Variants in EFNA5 observed in about 807,000 individuals in gnomAD.
EFNA5 encodes ephrin A5, also known as ephrin-A5.
A neutral mutation model predicts 22.9 loss-of-function variants in EFNA5; 5 were observed. The ratio of observed to expected loss-of-function variants is 0.22; its 90% CI spans 0.11 to 0.46. The LOEUF (loss-of-function observed/expected upper bound fraction) is 0.46, where lower values mean the gene tolerates loss of function less well. EFNA5 is among the 20% of genes least tolerant of loss of function. The pLI is 0.99. For missense variants in EFNA5, 237 were observed against 293.3 expected (o/e 0.81, Z 1.40); for synonymous variants, 113 against 112.2 (o/e 1.01, Z -0.04).
chr5:107,521,087 T>C lies in EFNA5; in HGVS notation c.126-93578A>G, dbSNP rs183145118. On this transcript the variant is annotated intron_variant, in intron 1 of 4. Transcript: ENST00000333274. ...GCTCCTTTGACTTATGATTGGCTTA[T>C]TTCCTGATAAACGAACTCATTGTGA... Among the ~76,000 whole-genome samples, 3 of 152,276 alleles carry C rather than the reference T, an allele frequency of 2.0e-5. No individual in the cohort carries two copies. In the East Asian group the frequency reaches 5.8e-4, roughly 29 times the overall value.
chr5:107,567,510 G>A (rs1419308165), intron 1 of EFNA5, among the ~76,000 whole-genome samples: 13 of 152,190 alleles, frequency 8.5e-5, no homozygotes, highest in Admixed American at 7.9e-4. Context: ...CTGGAGAGGT[G>A]AGAGAATACC....
intron 1 of EFNA5, among the ~76,000 whole-genome samples, chr5:107,564,459 T>A (rs1748618927): frequency 6.6e-5 from 10 of 152,218 alleles, no homozygotes; most frequent in Admixed American, 6.5e-4. Context: ...TAGCGGATGA[T>A]ACTCTAATTG....
chr5:107,664,012 T>C (rs1216236687), intron 1 of EFNA5, among the ~76,000 whole-genome samples: 1 of 152,158 alleles, frequency 6.6e-6, no homozygotes, highest in Non-Finnish European at 1.5e-5. Context: ...TACACTACTG[T>C]CTCTCAGCAA....
At chr5:107,619,926 T>C (rs1750001220) in intron 1 of EFNA5, among the ~76,000 whole-genome samples, 1 of 152,206 alleles carries the variant, frequency 6.6e-6, no homozygotes, top group South Asian at 2.1e-4. Context: ...GCTACAAAAC[T>C]GTGACTCCTC....
At chr5:107,604,618 A>C (rs2112515111) in intron 1 of EFNA5, among the ~76,000 whole-genome samples, 1 of 152,322 alleles carries the variant, frequency 6.6e-6, no homozygotes, top group South Asian at 2.1e-4. Context: ...TTAGAACTTA[A>C]AAAAATAAAT....
At chr5:107,421,979 T>C (rs1748680966) in intron 2 of EFNA5, among the ~76,000 whole-genome samples, 1 of 151,990 alleles carries the variant, frequency 6.6e-6, no homozygotes, top group African/African-American at 2.4e-5. Context: ...TTAGTAGAGA[T>C]GGGGTTTCTC....
chr5:107,496,053 C>T (rs922124211), intron 1 of EFNA5, among the ~76,000 whole-genome samples: 4 of 150,176 alleles, frequency 2.7e-5, no homozygotes, highest in African/African-American at 7.4e-5. Context: ...CAGGCTGGCG[C>T]GGTGGCTCAT....
At chr5:107,630,550 T>C (rs1750229144) in intron 1 of EFNA5, among the ~76,000 whole-genome samples, 1 of 151,996 alleles carries the variant, frequency 6.6e-6, no homozygotes, top group Non-Finnish European at 1.5e-5. Flanking sequence ...TGAATGGAGC[T>C]TGTGGAACTG....
intron 1 of EFNA5, among the ~76,000 whole-genome samples, chr5:107,657,515 T>C (rs2112557651): frequency 6.6e-6 from 1 of 152,278 alleles, no homozygotes; most frequent in East Asian, 1.9e-4. Flanking sequence ...TTCTTAATAA[T>C]ATTCATAGTT....
chr5:107,471,484 G>GT (rs1324900468), intron 1 of EFNA5, among the ~76,000 whole-genome samples: 1 of 152,206 alleles, frequency 6.6e-6, no homozygotes, highest in Non-Finnish European at 1.5e-5. Context: ...CATGGTCCCA[G>GT]TAACATTTTA....
At chr5:107,540,616 A>G (rs1748023267) in intron 1 of EFNA5, among the ~76,000 whole-genome samples, 1 of 152,218 alleles carries the variant, frequency 6.6e-6, no homozygotes. Context: ...AAATTATTAA[A>G]GCTAATGAAA....
intron 1 of EFNA5, among the ~76,000 whole-genome samples, chr5:107,633,485 G>A (rs908700128): frequency 1.3e-5 from 2 of 152,194 alleles, no homozygotes; most frequent in Non-Finnish European, 1.5e-5. Flanking sequence ...CCGGGGCCCC[G>A]CGCCTCATGG....
chr5:107,495,526 AC>A (rs1420168941), intron 1 of EFNA5, among the ~76,000 whole-genome samples: 2 of 152,204 alleles, frequency 1.3e-5, no homozygotes, highest in African/African-American at 2.4e-5. Context: ...CAATGTCATG[AC>A]TTAGGCAGTA....
chr5:107,407,727 A>G (rs78353608), intron 2 of EFNA5, among the ~76,000 whole-genome samples: 2,217 of 152,324 alleles, frequency 0.015, 61 homozygotes, highest in African/African-American at 0.049. Context: ...TTTGCTGAAC[A>G]TATTCTTTAG....
At position 107,643,831 on chromosome 5, in the gene EFNA5, T is replaced by G. The variant is rs370472339; in HGVS notation, c.125+26658A>C. On this transcript the variant is annotated intron_variant, in intron 1 of 4. Transcript: ENST00000333274. ...TTCTTTCCCAAAGGTATTTCCCCCCTCAACTCTCATTAATTCTTCTTTATA... is the reference window on the plus strand; with the variant it reads ...TTCTTTCCCAAAGGTATTTCCCCCCGCAACTCTCATTAATTCTTCTTTATA... Among the ~76,000 whole-genome samples the G allele has an allele frequency of 1.8e-4, 28 of 151,814 alleles. No homozygotes were observed. In the East Asian group the frequency reaches 3.7e-3, roughly 20 times the overall value.
intron 1 of EFNA5, among the ~76,000 whole-genome samples, chr5:107,474,188 G>A (rs7737637): frequency 6.6e-6 from 1 of 152,068 alleles, no homozygotes; most frequent in African/African-American, 2.4e-5. Flanking sequence ...ATGATCAGAT[G>A]CCACTGGCTC....
intron 1 of EFNA5, among the ~76,000 whole-genome samples, chr5:107,668,976 C>T (rs1580592732): frequency 6.6e-6 from 1 of 152,184 alleles, no homozygotes; most frequent in Non-Finnish European, 1.5e-5. Context: ...AGGAATATCT[C>T]CACTCCTGTT....
intron 1 of EFNA5, among the ~76,000 whole-genome samples, chr5:107,480,175 A>G (rs1750420178): frequency 6.6e-6 from 1 of 152,224 alleles, no homozygotes; most frequent in Non-Finnish European, 1.5e-5. Context: ...TTAAAATGGG[A>G]AAAGCCAACA....
At chr5:107,521,259 G>C (rs1346531099) in intron 1 of EFNA5, among the ~76,000 whole-genome samples, 2 of 151,786 alleles carry the variant, frequency 1.3e-5, no homozygotes, top group Non-Finnish European at 1.5e-5. Context: ...ATAAACTTTA[G>C]AGTATGTATG....
Sources: gnomAD v4.1 joint callset for allele counts (sites outside exome capture counted in the v4.1 genomes callset) on GRCh38, gnomAD v4.1.1 for gene constraint, MANE v1.5 for transcripts, NCBI Gene and HGNC (gene_info 2026-07-23, HGNC 2026-07-21) for gene names.